Variants in COL26A1 observed in about 807,000 individuals in gnomAD.
COL26A1 encodes the protein collagen type XXVI alpha 1 chain, also known as collagen alpha-1(XXVI) chain.
COL26A1 carries 41 observed loss-of-function variants against 59.3 expected under a neutral mutation model. That is an observed-to-expected ratio of 0.69 (90% CI 0.54 to 0.90). COL26A1 has a LOEUF of 0.90. Among genes scored for constraint, COL26A1 ranks in the 40% least tolerant of loss-of-function variants. The pLI, the probability that COL26A1 is intolerant of heterozygous loss-of-function variation, is 0.00. For missense variants in COL26A1, 612 were observed against 602.3 expected, an observed-to-expected ratio of 1.02 and a Z score of -0.17; for synonymous variants, 266 against 256.0, an observed-to-expected ratio of 1.04 and a Z score of -0.37.
At chr7:101,493,287 C>T (rs1293090988) in intron 3 of COL26A1, among the ~76,000 whole-genome samples, 1 of 151,198 alleles carries the variant, frequency 6.6e-6, no homozygotes, top group Non-Finnish European at 1.5e-5. Flanking sequence ...CTCTTCCCTC[C>T]TTCCTCCATG....
chr7:101,420,303 C>T (rs891161752), intron 2 of COL26A1, among the ~76,000 whole-genome samples: 3 of 151,930 alleles, frequency 2.0e-5, no homozygotes, highest in African/African-American at 7.2e-5. Flanking sequence ...GAGACATGCT[C>T]CTACCGCAAC....
At chr7:101,413,301 T>C (rs1792287809) in intron 1 of COL26A1, among the ~76,000 whole-genome samples, 1 of 152,128 alleles carries the variant, frequency 6.6e-6, no homozygotes, top group Non-Finnish European at 1.5e-5. Context: ...GGTAGATCAC[T>C]TGAGGTCAGG....
At chr7:101,496,932 T>G (rs903955547) in intron 3 of COL26A1, among the ~76,000 whole-genome samples, 8 of 151,084 alleles carry the variant, frequency 5.3e-5, no homozygotes, top group African/African-American at 1.9e-4. Flanking sequence ...GAAAGTAAGT[T>G]TATTAAGAAA....
chr7:101,515,569 C>T (rs1795011986), intron 3 of COL26A1, among the ~76,000 whole-genome samples: 1 of 151,260 alleles, frequency 6.6e-6, no homozygotes. Flanking sequence ...CAGGCATGAG[C>T]CACCATGTCT....
chr7:101,518,579 G>A (rs1171240031), intron 3 of COL26A1, among the ~76,000 whole-genome samples: 1 of 152,222 alleles, frequency 6.6e-6, no homozygotes, highest in Non-Finnish European at 1.5e-5. Context: ...CAGCTTTGCG[G>A]GGCCCTGGAG....
At chr7:101,547,797 G>C (rs1393647034) in intron 8 of COL26A1, among the ~76,000 whole-genome samples, 1 of 143,506 alleles carries the variant, frequency 7.0e-6, no homozygotes, top group Non-Finnish European at 1.5e-5. Flanking sequence ...TCATTCATTT[G>C]TCCATTCATT....
chr7:101,367,796 G>T (rs975789411), intron 1 of COL26A1, among the ~76,000 whole-genome samples: 4 of 152,152 alleles, frequency 2.6e-5, no homozygotes, highest in Admixed American at 1.3e-4. Flanking sequence ...AACTGAATCT[G>T]CCAGCACCTT....
In COL26A1 at chr7:101,524,210, G is replaced by T. The variant is rs369883568; in HGVS notation, c.386-8872G>T. Among the ~76,000 whole-genome samples, 53 of 151,812 alleles carry T rather than the reference G, an allele frequency of 3.5e-4. 1 individual carries two copies. The South Asian group carries it at 0.01, about 29-fold the overall frequency. ...TGCTTGAACCCAGGAGGCAGAGGTT[G>T]CAGTGAGCTAAGATGGCATCACTGC... is the stretch of plus-strand genomic sequence containing the variant. On this transcript the variant is annotated intron_variant, in intron 3 of 12. Coordinates refer to ENST00000313669, the MANE Select transcript of COL26A1 (RefSeq NM_001278563.3).
intron 3 of COL26A1, among the ~76,000 whole-genome samples, chr7:101,472,555 G>T (rs1793929183): frequency 6.6e-6 from 1 of 152,130 alleles, no homozygotes; most frequent in South Asian, 2.1e-4. Flanking sequence ...CCATGGAGGG[G>T]TTGTGCTAAG....
At chr7:101,524,492 T>C (rs1022610103) in intron 3 of COL26A1, among the ~76,000 whole-genome samples, 2 of 152,216 alleles carry the variant, frequency 1.3e-5, no homozygotes, top group African/African-American at 2.4e-5. Context: ...GTATAGACAC[T>C]GACATGTTCA....
chr7:101,387,877 C>G (rs1791631882), intron 1 of COL26A1, among the ~76,000 whole-genome samples: 2 of 149,824 alleles, frequency 1.3e-5, no homozygotes, highest in Non-Finnish European at 3.0e-5. Context: ...TCAAGCGATT[C>G]TCATACCTCA....
intron 3 of COL26A1, among the ~76,000 whole-genome samples, chr7:101,471,564 G>GTTTTTTTTTTTTTTTTTT (rs1562997549): frequency 7.8e-6 from 1 of 129,024 alleles, no homozygotes; most frequent in African/African-American, 3.1e-5. Flanking sequence ...TGTTGTTGTT[G>GTTTTTTTTTTTTTTTTTT]TTGTTTGTTT....
chr7:101,536,177 G>A (rs576161226), intron 4 of COL26A1, among the ~76,000 whole-genome samples: 6 of 152,306 alleles, frequency 3.9e-5, no homozygotes, highest in South Asian at 4.1e-4. Flanking sequence ...CACCACATCC[G>A]GCTAATTTTT....
intron 2 of COL26A1, among the ~76,000 whole-genome samples, chr7:101,420,907 C>G (rs1479358423): frequency 6.6e-6 from 1 of 152,034 alleles, no homozygotes; most frequent in Non-Finnish European, 1.5e-5. Flanking sequence ...CTTTTCCCTT[C>G]TTCCTCCTCT....
intron 3 of COL26A1, among the ~76,000 whole-genome samples, chr7:101,510,912 T>TC (rs1794909111): frequency 6.8e-6 from 1 of 148,032 alleles, no homozygotes; most frequent in African/African-American, 2.5e-5. Flanking sequence ...TTTTTTTTTT[T>TC]TTTTTTGAGA....
intron 3 of COL26A1, among the ~76,000 whole-genome samples, chr7:101,464,764 G>A (rs1793715481): frequency 6.6e-6 from 1 of 151,884 alleles, no homozygotes; most frequent in African/African-American, 2.4e-5. Context: ...GTCTTGCTCG[G>A]TTGCCCAGAT....
At chr7:101,435,063 G>A (rs1042398769) in intron 2 of COL26A1, among the ~76,000 whole-genome samples, 4 of 152,262 alleles carry the variant, frequency 2.6e-5, no homozygotes, top group Middle Eastern at 6.8e-3. Context: ...GGTGGCTCAC[G>A]CCTGTAATCC....
chr7:101,459,361 C>T (rs34463082), intron 3 of COL26A1, among the ~76,000 whole-genome samples: 37,098 of 151,982 alleles, frequency 0.24, 5,170 homozygotes, highest in Middle Eastern at 0.33. Context: ...TGCAGTGGCA[C>T]GATCTCGTGC....
rs185506318 is a variant in COL26A1, at chr7:101,552,344, C to T, written c.1030-982C>T. ...CTGTGAGCTGGGCATGGTGGTGGCT[C>T]ATACCTGTAACCCCAGTGCTTTGGG... On this transcript the variant is annotated intron_variant, in intron 10 of 12. Coordinates refer to ENST00000313669, the MANE Select transcript of COL26A1 (RefSeq NM_001278563.3). 9.2e-5 allele frequency among the ~76,000 whole-genome samples: 14 copies of T among 152,310 alleles called. No individual in the cohort carries two copies. The East Asian group carries it at 2.7e-3, about 29-fold the overall frequency.
Sources: allele counts gnomAD v4.1 joint callset (sites outside exome capture counted in the v4.1 genomes callset), GRCh38; gene constraint gnomAD v4.1.1; transcripts MANE v1.5; gene names NCBI Gene and HGNC (gene_info 2026-07-23, HGNC 2026-07-21).